The following TYRP1 variants were observed in gnomAD, a reference collection of about 807,000 sequenced individuals.
TYRP1 encodes the protein tyrosinase related protein 1, also known as 5,6-dihydroxyindole-2-carboxylic acid oxidase.
TYRP1 carries 49 observed loss-of-function variants against 42.8 expected under a neutral mutation model. That is an observed-to-expected ratio of 1.14 (90% confidence interval 0.91 to 1.45). The LOEUF is 1.45. Ranked by LOEUF, TYRP1 falls within the 40% of genes most tolerant of loss-of-function variation. The probability of loss-of-function intolerance (pLI) is 0.00; values close to 1 mark genes in which losing one functional copy is unlikely to be tolerated. For synonymous variants in TYRP1, 279 were observed against 235.4 expected, an observed-to-expected ratio of 1.19 and a Z score of -1.69; for missense variants, 848 against 662.0, an observed-to-expected ratio of 1.28 and a Z score of -3.08.
At chr9:12,699,995 C>T (rs894570844) in intron 4 of TYRP1, 1 of 152,010 alleles carries the variant, frequency 6.6e-6, no homozygotes, top group Non-Finnish European at 1.5e-5. Flanking sequence ...CACATAGTCT[C>T]ATGACAAATT....
intron 3 of TYRP1, among the ~76,000 whole-genome samples, chr9:12,697,964 C>G (rs900993917): frequency 6.6e-6 from 1 of 152,038 alleles, no homozygotes; most frequent in African/African-American, 2.4e-5. Context: ...CCTAGTCATT[C>G]AAATTAAATT....
chr9:12,699,137 A>T (rs1818125705), intron 4 of TYRP1, among the ~76,000 whole-genome samples: 1 of 152,104 alleles, frequency 6.6e-6, no homozygotes, highest in African/African-American at 2.4e-5. Flanking sequence ...GATATGGGGG[A>T]TAGTTTTCAG....
chr9:12,702,301 C>A lies in TYRP1; in HGVS notation c.944C>A (p.Pro315Gln). 1 of 1,613,088 alleles carries A rather than the reference C, an allele frequency of 6.2e-7. No homozygotes were observed. Among genetic ancestry groups the A allele is most frequent in the Non-Finnish European group, 8.5e-7 (1 of 1,179,448 alleles). The change falls in exon 5 of 8, where the codon CCA (proline) becomes CAA (glutamine). Residue 315 changes from proline (P) to glutamine (Q), a missense_variant. Physicochemically the swap from Pro to Gln is moderately conservative, Grantham distance 76. Transcript: ENST00000388918. Reference protein sequence around the residue: ...STEDGPIRRNPAGNVARPMVQ... With the variant: ...STEDGPIRRNQAGNVARPMVQ... ...GAGGATGGGCCAATTAGGAGAAATCCAGCTGGAAATGTGGCCAGACCAATG... is the reference window on the plus strand; with the variant it reads ...GAGGATGGGCCAATTAGGAGAAATCAAGCTGGAAATGTGGCCAGACCAATG...
intron 6 of TYRP1, 136 bp from the exon 7 acceptor site, chr9:12,707,861 A>G (rs10809828): frequency 0.29 from 233,321 of 798,700 alleles, 41,127 homozygotes; most frequent in East Asian, 0.74. Context: ...GTGAAACTTC[A>G]TATCTTTATT....
At chr9:12,708,250 T>G in intron 7 of TYRP1, 107 bp downstream of exon 7, 1 of 1,373,430 alleles carries the variant, frequency 7.3e-7, no homozygotes, top group Non-Finnish European at 1.0e-6. Context: ...CCATTTGGAC[T>G]TGGAAACTTT....
At chr9:12,698,876 C>A (rs1410816674) in intron 4 of TYRP1, among the ~76,000 whole-genome samples, 1 of 152,016 alleles carries the variant, frequency 6.6e-6, no homozygotes, top group Non-Finnish European at 1.5e-5. Context: ...TTTTACACTG[C>A]CTTTCTTGAG....
chr9:12,707,240 C>G (rs1196213879), intron 6 of TYRP1, among the ~76,000 whole-genome samples: 1 of 151,918 alleles, frequency 6.6e-6, no homozygotes, highest in East Asian at 1.9e-4. Context: ...ACTTTTTGAG[C>G]TGTGAGAGAA....
At chr9:12,694,861 T>C (rs1403751653) in intron 2 of TYRP1, among the ~76,000 whole-genome samples, 1 of 152,180 alleles carries the variant, frequency 6.6e-6, no homozygotes, top group African/African-American at 2.4e-5. Flanking sequence ...GATGAAGAGT[T>C]TGGCCTGCAG....
intron 4 of TYRP1, 128 bp downstream of exon 4, chr9:12,698,783 G>T: frequency 1.1e-6 from 1 of 911,014 alleles, no homozygotes; most frequent in Non-Finnish European, 1.7e-6. Context: ...TAGAGTAACA[G>T]TGTACCAGGC....
In TYRP1 at chr9:12,695,790, C is replaced by G. The variant is rs2118223971; in HGVS notation, c.661C>G (p.Leu221Val). 1 of 1,614,114 alleles carries G rather than the reference C, an allele frequency of 6.2e-7. No individual in the cohort carries two copies. The highest frequency in any genetic ancestry group is 8.5e-7 in the Non-Finnish European group (1 of 1,180,006). ...TTTCTCTCATGAGGGACCAGCTTTTCTCACATGGCACAGGTACCACCTCCT... is the reference window on the plus strand; with the variant it reads ...TTTCTCTCATGAGGGACCAGCTTTTGTCACATGGCACAGGTACCACCTCCT... ...VDFSHEGPAFLTWHRYHLLRL... is the reference protein window; with the variant it reads ...VDFSHEGPAFVTWHRYHLLRL... The change falls in exon 3 of 8, where the codon CTC becomes GTC. Residue 221 changes from leucine to valine, a missense_variant. Coordinates refer to ENST00000388918, the MANE Select transcript of TYRP1 (RefSeq NM_000550.3).
rs938597288 is a variant in TYRP1 at position 12,709,931 on chromosome 9, C to G, written c.*749C>G. On this transcript the variant is annotated 3_prime_UTR_variant, in exon 8 of 8. Transcript: ENST00000388918. ...ATCCTTACATTTCACCTACTAATGT[C>G]TCTTCTAACATCTTAGAGGTCCATG... is the stretch of plus-strand genomic sequence containing the variant. 2.0e-5 allele frequency: 3 copies of G among 152,436 alleles called. No individual in the cohort carries two copies. The highest frequency in any genetic ancestry group is 7.2e-5 in the African/African-American group (3 of 41,424). 9.4% of individuals were successfully genotyped at this position (152,436 alleles called of 1,614,324 possible).
At chr9:12,706,791 ACTGT>A (rs1818265822) in intron 6 of TYRP1, among the ~76,000 whole-genome samples, 1 of 152,052 alleles carries the variant, frequency 6.6e-6, no homozygotes, top group Non-Finnish European at 1.5e-5. Context: ...AATTTATAAA[ACTGT>A]CTGTAAAGCA....
intron 4 of TYRP1, among the ~76,000 whole-genome samples, chr9:12,701,320 C>T (rs940341573): frequency 6.6e-5 from 10 of 151,948 alleles, no homozygotes; most frequent in African/African-American, 2.4e-4. Flanking sequence ...ACAGGCCCTC[C>T]CCCTTTTTTT....
chr9:12,698,501 G>A lies in TYRP1; in HGVS notation c.759G>A (p.Thr253=), dbSNP rs371227148. 1.4e-5 allele frequency: 22 copies of A among 1,613,664 alleles called. No individual in the cohort carries two copies. Among genetic ancestry groups the A allele is most frequent in the African/African-American group, 2.7e-5 (2 of 74,890 alleles). Residue 253 remains threonine (T), a synonymous_variant, in exon 4 of 8, where the codon ACG becomes ACA. Coordinates refer to ENST00000388918, the MANE Select transcript of TYRP1 (RefSeq NM_000550.3). ...SFSLPYWNFA[T]GKNVCDICTD... is the part of the protein sequence containing the mutation. ...CCCTTCCTTACTGGAATTTTGCAAC[G>A]GGGAAAAATGTCTGTGATATCTGCA...
chr9:12,698,313 C>G, intron 3 of TYRP1, 138 bp from the exon 4 acceptor site: 1 of 845,102 alleles, frequency 1.2e-6, no homozygotes. Context: ...CTGGGCCCCT[C>G]AGACACCGTT....
intron 6 of TYRP1, among the ~76,000 whole-genome samples, chr9:12,706,090 G>T (rs912864882): frequency 6.6e-6 from 1 of 151,940 alleles, no homozygotes; most frequent in Non-Finnish European, 1.5e-5. Context: ...TTACAGTCAT[G>T]ATGACCACTT....
At position 12,702,386 on chromosome 9, in the gene TYRP1, C is replaced by T. The variant is rs145061390; in HGVS notation, c.1029C>T (p.Asp343=). Residue 343 remains aspartate, a synonymous_variant, in exon 5 of 8, where the codon GAC becomes GAT. Transcript: ENST00000388918. ...VAQCLEVGLF[D]TPPFYSNSTN... is the part of the protein sequence containing the mutation. The stretch of plus-strand genomic sequence containing the variant: ...AGTGCTTGGAAGTTGGTTTATTTGA[C>T]ACGCCTCCTTTTTATTCCAACTCTA... The T allele has an allele frequency of 1.2e-3, 2,013 of 1,613,098 alleles. 4 individuals are homozygous for T. Among genetic ancestry groups the T allele is most frequent in the Non-Finnish European group, 1.5e-3 (1,803 of 1,179,442 alleles).
At chr9:12,703,656 G>A (rs2118254244) in intron 5 of TYRP1, among the ~76,000 whole-genome samples, 1 of 151,846 alleles carries the variant, frequency 6.6e-6, no homozygotes, top group Non-Finnish European at 1.5e-5. Flanking sequence ...ATGCATAGGT[G>A]GCTAAATAAG....
At chr9:12,697,128 G>A (rs1416660091) in intron 3 of TYRP1, among the ~76,000 whole-genome samples, 2 of 152,108 alleles carry the variant, frequency 1.3e-5, no homozygotes, top group African/African-American at 4.8e-5. Flanking sequence ...AGATAAATCT[G>A]TCATTTGTAA....
Sources: gnomAD v4.1 joint callset for allele counts (sites outside exome capture counted in the v4.1 genomes callset) on GRCh38, gnomAD v4.1.1 for gene constraint, MANE v1.5 for transcripts, NCBI Gene and HGNC (gene_info 2026-07-23, HGNC 2026-07-21) for gene names.